CBLB: variants seen among roughly 807,000 people sequenced by gnomAD.
CBLB encodes the protein Cbl proto-oncogene B, also known as E3 ubiquitin-protein ligase CBL-B.
Under a neutral mutation model 104.9 loss-of-function variants are expected in CBLB, and 31 were observed. The observed-to-expected ratio is 0.30, with a 90% CI of 0.22 to 0.40. The LOEUF (loss-of-function observed/expected upper bound fraction) is 0.40. Among genes scored for constraint, CBLB ranks in the 10% least tolerant of loss-of-function variants. The probability of loss-of-function intolerance (pLI) is 1.00; values close to 1 mark genes in which losing one functional copy is unlikely to be tolerated. For synonymous variants in CBLB, 440 were observed against 422.6 expected (o/e 1.04, Z -0.51); for missense variants, 1,062 against 1,214.6 (o/e 0.87, Z 1.87).
Position 105,702,243 on chromosome 3 carries a change from G to A in CBLB, c.1810C>T (p.Leu604Phe), listed in dbSNP as rs1278106126. ...TCCCCTAGGAGTCGACATCCCACAA[G>A]CTGATTAGTCCCAAACACATCCCGA... ...CPRDVFGTNQ[L>F]VGCRLLGEGS... Residue 604 changes from leucine to phenylalanine, a missense_variant, in exon 12 of 19, where the codon CTT becomes TTT. Coordinates refer to ENST00000394030, the MANE Select transcript of CBLB (RefSeq NM_170662.5). The A allele has an allele frequency of 3.1e-6, 5 of 1,613,932 alleles. No individual in the cohort carries two copies. The South Asian group carries it at 5.5e-5, about 18-fold the overall frequency.
At chr3:105,798,189 A>G (rs1378325843) in intron 3 of CBLB, among the ~76,000 whole-genome samples, 5 of 152,240 alleles carry the variant, frequency 3.3e-5, no homozygotes, top group Admixed American at 1.3e-4. Flanking sequence ...GAACGAAGAG[A>G]TATAAAGTCC....
At chr3:105,693,447 A>T in intron 13 of CBLB, 47 bp downstream of exon 13, 1 of 1,204,722 alleles carries the variant, frequency 8.3e-7, no homozygotes, top group Non-Finnish European at 1.2e-6. Flanking sequence ...CCACTCTACC[A>T]TATCTTGATG....
chr3:105,727,695 A>C (rs1252317553), intron 9 of CBLB, among the ~76,000 whole-genome samples: 1 of 152,108 alleles, frequency 6.6e-6, no homozygotes, highest in East Asian at 1.9e-4. Context: ...TTAAGTCTTT[A>C]ATCCGTCTTG....
chr3:105,738,985 G>T (rs2075255753), intron 7 of CBLB, among the ~76,000 whole-genome samples: 3 of 152,174 alleles, frequency 2.0e-5, no homozygotes, highest in Non-Finnish European at 4.4e-5. Context: ...TGTTGTCACT[G>T]TAGCCTCAAC....
intron 10 of CBLB, among the ~76,000 whole-genome samples, chr3:105,710,844 T>C (rs1275565672): frequency 1.3e-5 from 2 of 151,922 alleles, no homozygotes; most frequent in African/African-American, 4.8e-5. Flanking sequence ...ATGCACAGAA[T>C]CCTTTATAAC....
At chr3:105,711,390 T>A (rs2071052162) in intron 10 of CBLB, among the ~76,000 whole-genome samples, 1 of 152,062 alleles carries the variant, frequency 6.6e-6, no homozygotes, top group Non-Finnish European at 1.5e-5. Context: ...TACTTGCTAC[T>A]ATTCTCAGTT....
intron 3 of CBLB, among the ~76,000 whole-genome samples, chr3:105,836,271 T>C (rs1327745737): frequency 6.6e-6 from 1 of 152,194 alleles, no homozygotes; most frequent in African/African-American, 2.4e-5. Context: ...AGCAGCCCCA[T>C]CCTCTCTTTC....
intron 10 of CBLB, among the ~76,000 whole-genome samples, chr3:105,705,951 C>T (rs1576484996): frequency 1.3e-5 from 2 of 152,142 alleles, no homozygotes; most frequent in East Asian, 3.9e-4. Context: ...GCCTGGGCAA[C>T]ATGGCAAGAC....
At chr3:105,700,700 TG>T (rs2068971543) in intron 12 of CBLB, among the ~76,000 whole-genome samples, 3 of 152,200 alleles carry the variant, frequency 2.0e-5, no homozygotes, top group Admixed American at 2.0e-4. Context: ...GGTACCAAGG[TG>T]AGTCACCAGC....
At chr3:105,706,909 T>C (rs967993793) in intron 10 of CBLB, among the ~76,000 whole-genome samples, 2 of 152,220 alleles carry the variant, frequency 1.3e-5, no homozygotes, top group African/African-American at 4.8e-5. Context: ...ACTTTTTTTC[T>C]GCAAATATTT....
At chr3:105,668,471 A>G (rs1206225266) in intron 18 of CBLB, among the ~76,000 whole-genome samples, 1 of 152,186 alleles carries the variant, frequency 6.6e-6, no homozygotes, top group African/African-American at 2.4e-5. Flanking sequence ...ATGTTATTTT[A>G]AATCAGTCAT....
chr3:105,807,637 T>C lies in CBLB; in HGVS notation c.420-31095A>G, dbSNP rs1439571701. 2.0e-5 allele frequency among the ~76,000 whole-genome samples: 3 copies of C among 152,084 alleles called. No homozygotes were observed. In the East Asian group the frequency reaches 5.8e-4, roughly 29 times the overall value. On this transcript the variant is annotated intron_variant, in intron 3 of 18. Coordinates refer to ENST00000394030, the MANE Select transcript of CBLB (RefSeq NM_170662.5). ...TTATAATTATATATGTAATTATATATGGCACAAAACATAATGAGAATTTAT... is the reference window on the plus strand; with the variant it reads ...TTATAATTATATATGTAATTATATACGGCACAAAACATAATGAGAATTTAT...
At chr3:105,807,384 T>G (rs1239119588) in intron 3 of CBLB, among the ~76,000 whole-genome samples, 2 of 152,184 alleles carry the variant, frequency 1.3e-5, no homozygotes, top group Non-Finnish European at 1.5e-5. Flanking sequence ...TGTCCAGACC[T>G]CGTAGGTAGA....
Position 105,853,576 on chromosome 3 carries a change from C to T in CBLB, c.257G>A (p.Arg86Gln). The change falls in exon 3 of 19, where the codon CGA (arginine) becomes CAA (glutamine). Residue 86 changes from arginine to glutamine, a missense_variant. By Grantham distance (43) the Arg-to-Gln change is conservative. This residue lies in a region of CBLB where 457 missense variants were observed against 632.0 expected (regional missense o/e 0.72). Coordinates refer to ENST00000394030, the MANE Select transcript of CBLB (RefSeq NM_170662.5). ...GTCATCATATTTACTCAATATAAGT[C>T]GTAAATGCTGATATGTATCAGGCAA... ...DILPDTYQHL[R>Q]LILSKYDDNQ... 4 of 1,611,918 alleles carry T rather than the reference C, an allele frequency of 2.5e-6. No individual in the cohort carries two copies. Among genetic ancestry groups the T allele is most frequent in the African/African-American group, 1.3e-5 (1 of 74,944 alleles).
At chr3:105,724,784 C>T (rs983299143) in intron 9 of CBLB, among the ~76,000 whole-genome samples, 3 of 152,000 alleles carry the variant, frequency 2.0e-5, no homozygotes, top group African/African-American at 7.2e-5. Context: ...ACAATAATAA[C>T]TAAAATTCCA....
At position 105,685,346 on chromosome 3, in the gene CBLB, A is replaced by T. The variant is rs759035184; in HGVS notation, c.2175T>A (p.His725Gln). Residue 725 changes from histidine (H) to glutamine (Q), a missense_variant, in exon 14 of 19, where the codon CAT becomes CAA. This residue lies in a region of CBLB where 605 missense variants were observed against 582.6 expected (regional missense o/e 1.04). Transcript: ENST00000394030. The stretch of plus-strand genomic sequence containing the variant: ...GAACAGGAGGTTTTACATTATGACA[A>T]TGAGATGGTTGTGAATTCAGGGAAA... ...HPVSLNSQPS[H>Q]CHNVKPPVRS... 1.2e-6 allele frequency: 2 copies of T among 1,613,886 alleles called. No homozygotes were observed. Among genetic ancestry groups the T allele is most frequent in the Non-Finnish European group, 1.7e-6 (2 of 1,179,844 alleles).
intron 3 of CBLB, among the ~76,000 whole-genome samples, chr3:105,814,553 G>A (rs2084752695): frequency 6.6e-6 from 1 of 151,720 alleles, no homozygotes; most frequent in Non-Finnish European, 1.5e-5. Flanking sequence ...AAGGATTCAT[G>A]GAAATATAAA....
At chr3:105,814,747 A>G (rs2084786143) in intron 3 of CBLB, among the ~76,000 whole-genome samples, 1 of 152,060 alleles carries the variant, frequency 6.6e-6, no homozygotes, top group Non-Finnish European at 1.5e-5. Context: ...TCCAATTTAT[A>G]CTCAACAGTG....
At chr3:105,687,814 C>A (rs4894940) in intron 13 of CBLB, among the ~76,000 whole-genome samples, 80,627 of 148,336 alleles carry the variant, frequency 0.54, 22,063 homozygotes, top group Middle Eastern at 0.69. Context: ...TTATCCAGTT[C>A]TGAAAAAAAA....
Sources: allele counts gnomAD v4.1 joint callset (sites outside exome capture counted in the v4.1 genomes callset), GRCh38; gene constraint gnomAD v4.1.1; regional missense constraint gnomAD v4.1.1; transcripts MANE v1.5; gene names NCBI Gene and HGNC (gene_info 2026-07-23, HGNC 2026-07-21).